PRKG1: variants seen among roughly 807,000 people sequenced by gnomAD.
PRKG1 encodes the protein cGMP-dependent protein kinase 1.
In PRKG1, 35 loss-of-function variants were observed where a neutral mutation model predicts 88.1. The ratio of observed to expected loss-of-function variants is 0.40; its 90% CI spans 0.30 to 0.53. The LOEUF (loss-of-function observed/expected upper bound fraction) is 0.53. Ranked by LOEUF, PRKG1 falls within the 20% of genes least tolerant of loss-of-function variation. The pLI is 0.59. For missense variants in PRKG1, 540 were observed against 839.8 expected, an observed-to-expected ratio of 0.64 and a Z score of 4.41; for synonymous variants, 303 against 292.5, an observed-to-expected ratio of 1.04 and a Z score of -0.37.
intron 3 of PRKG1, among the ~76,000 whole-genome samples, chr10:51,487,725 T>C (rs1432113417): frequency 6.6e-6 from 1 of 152,166 alleles, no homozygotes; most frequent in African/African-American, 2.4e-5. Context: ...AAAAACACCC[T>C]GGACAACGAA....
intron 2 of PRKG1, among the ~76,000 whole-genome samples, chr10:51,291,642 T>G (rs2132223064): frequency 6.6e-6 from 1 of 152,228 alleles, no homozygotes; most frequent in South Asian, 2.1e-4. Context: ...GCCGCAAAAC[T>G]TAAGAGGAAT....
intron 3 of PRKG1, chr10:51,697,569 A>C: frequency 1.1e-6 from 1 of 929,306 alleles, no homozygotes. Context: ...AAGAACAAAA[A>C]ATAAGATTAG....
At chr10:51,764,289 A>G (rs1319901103) in intron 3 of PRKG1, among the ~76,000 whole-genome samples, 3 of 152,160 alleles carry the variant, frequency 2.0e-5, no homozygotes, top group Non-Finnish European at 4.4e-5. Flanking sequence ...AACTGCTCAT[A>G]GTGTTAGTGT....
chr10:52,100,951 A>C (rs1238903976), intron 7 of PRKG1, among the ~76,000 whole-genome samples: 1 of 152,152 alleles, frequency 6.6e-6, no homozygotes, highest in Non-Finnish European at 1.5e-5. Flanking sequence ...TGTTGCCCAG[A>C]ATGTGTTCAT....
intron 8 of PRKG1, among the ~76,000 whole-genome samples, chr10:52,157,305 T>TGAGATA (rs539108520): frequency 1.0e-4 from 6 of 57,178 alleles, no homozygotes; most frequent in South Asian, 6.6e-4. Flanking sequence ...GTGAGTTAGT[T>TGAGATA]GATATATATA....
chr10:52,287,268 C>A (rs1842137265), intron 14 of PRKG1, among the ~76,000 whole-genome samples: 1 of 151,844 alleles, frequency 6.6e-6, no homozygotes. Context: ...TAAGAGAATA[C>A]TAAATAGATT....
At chr10:51,817,347 A>AAC (rs1564659070) in intron 4 of PRKG1, among the ~76,000 whole-genome samples, 45 of 129,586 alleles carry the variant, frequency 3.5e-4, no homozygotes, top group Non-Finnish European at 5.8e-4. Flanking sequence ...TCCCTCCCCA[A>AAC]CCCCCCCCCT....
chr10:51,938,436 C>T (rs1842840444), intron 5 of PRKG1, among the ~76,000 whole-genome samples: 1 of 151,842 alleles, frequency 6.6e-6, no homozygotes, highest in Non-Finnish European at 1.5e-5. Flanking sequence ...TCATTGTTGG[C>T]TTTTTATGAA....
At chr10:51,309,510 C>A (rs1190583560) in intron 2 of PRKG1, among the ~76,000 whole-genome samples, 1 of 152,094 alleles carries the variant, frequency 6.6e-6, no homozygotes, top group Non-Finnish European at 1.5e-5. Flanking sequence ...CATCACTAAT[C>A]ATCAGAAAAG....
At chr10:52,077,707 G>C (rs1216017073) in intron 7 of PRKG1, among the ~76,000 whole-genome samples, 1 of 152,010 alleles carries the variant, frequency 6.6e-6, no homozygotes. Context: ...AGTTCTCTAT[G>C]CTTCTATTAT....
intron 3 of PRKG1, among the ~76,000 whole-genome samples, chr10:51,629,251 G>T (rs1243880812): frequency 6.6e-6 from 1 of 151,992 alleles, no homozygotes; most frequent in Non-Finnish European, 1.5e-5. Flanking sequence ...AACCTTTTTG[G>T]CACCAGAAAC....
intron 5 of PRKG1, among the ~76,000 whole-genome samples, chr10:51,983,742 G>A (rs1488198158): frequency 1.3e-5 from 2 of 152,176 alleles, no homozygotes; most frequent in African/African-American, 4.8e-5. Context: ...CCTGCCAGCT[G>A]AGTGTCTGTG....
intron 9 of PRKG1, among the ~76,000 whole-genome samples, chr10:52,246,563 T>A (rs372522289): frequency 1.6e-4 from 24 of 152,060 alleles, no homozygotes; most frequent in African/African-American, 5.6e-4. Context: ...TCTTAAAAGT[T>A]CAATATTTCA....
At chr10:51,527,200 A>G (rs1336570853) in intron 3 of PRKG1, among the ~76,000 whole-genome samples, 2 of 152,132 alleles carry the variant, frequency 1.3e-5, no homozygotes, top group African/African-American at 4.8e-5. Flanking sequence ...TAGCTGAGGA[A>G]TGATTGTATG....
At chr10:51,503,030 A>G (rs567760596) in intron 3 of PRKG1, among the ~76,000 whole-genome samples, 1 of 152,232 alleles carries the variant, frequency 6.6e-6, no homozygotes, top group Admixed American at 6.5e-5. Flanking sequence ...TTTAAATTTT[A>G]ATCTCAATTT....
At chr10:51,908,728 T>TC (rs1842143547) in intron 5 of PRKG1, 3 of 74,122 alleles carry the variant, frequency 4.0e-5, no homozygotes, top group Non-Finnish European at 8.4e-5. Context: ...TATCTATCTA[T>TC]ATGTAATTTT....
intron 3 of PRKG1, among the ~76,000 whole-genome samples, chr10:51,496,808 G>C (rs1157697449): frequency 1.3e-5 from 2 of 152,120 alleles, no homozygotes; most frequent in Non-Finnish European, 2.9e-5. Context: ...ATTCTCACTG[G>C]TTCCCAGTTC....
chr10:51,031,616 T>A lies in PRKG1; in HGVS notation c.266+39972T>A, dbSNP rs144833148. ...CTCTTTACTGTATACATGCAGTATCTTGTTTTTATCATATCAGCCCTATGA... is the reference window on the plus strand; with the variant it reads ...CTCTTTACTGTATACATGCAGTATCATGTTTTTATCATATCAGCCCTATGA... On this transcript the variant is annotated intron_variant, in intron 1 of 17. Transcript: ENST00000401604. 6.6e-5 allele frequency among the ~76,000 whole-genome samples: 10 copies of A among 152,320 alleles called. No homozygotes were observed. The East Asian group carries it at 1.9e-3, about 29-fold the overall frequency.
intron 2 of PRKG1, among the ~76,000 whole-genome samples, chr10:51,278,670 G>A (rs540521402): frequency 6.6e-6 from 1 of 152,024 alleles, no homozygotes; most frequent in Non-Finnish European, 1.5e-5. Flanking sequence ...CTTCTTCCTG[G>A]TTTAGTCTTG....
Sources: gnomAD v4.1 joint callset for allele counts (sites outside exome capture counted in the v4.1 genomes callset) on GRCh38, gnomAD v4.1.1 for gene constraint, MANE v1.5 for transcripts, NCBI Gene and HGNC (gene_info 2026-07-23, HGNC 2026-07-21) for gene names.